Variants in EVC2 observed in about 807,000 individuals in gnomAD.
The protein encoded by EVC2 is limbin.
Under a neutral mutation model 149.3 loss-of-function variants are expected in EVC2, and 148 were observed. The observed-to-expected ratio is 0.99, with a 90% CI of 0.87 to 1.14. EVC2 has a LOEUF of 1.14. Among genes scored for constraint, EVC2 ranks in the 50% most tolerant of loss-of-function variants. The pLI is 0.00. For missense variants in EVC2, 1,854 were observed against 1,627.3 expected, an observed-to-expected ratio of 1.14 and a Z score of -2.40; for synonymous variants, 776 against 649.9, an observed-to-expected ratio of 1.19 and a Z score of -2.95.
chr4:5,618,563 C>G lies in EVC2; in HGVS notation c.2621G>C (p.Arg874Pro), dbSNP rs114764023. The G allele has an allele frequency of 1.2e-6, 2 of 1,614,024 alleles. No individual in the cohort carries two copies. Among genetic ancestry groups the G allele is most frequent in the Admixed American group, 1.7e-5 (1 of 60,006 alleles). The change falls in exon 15 of 22, where the codon CGA becomes CCA. Residue 874 changes from arginine to proline, a missense_variant. Physicochemically the swap from Arg to Pro is moderately radical, Grantham distance 103 (BLOSUM62 -2). Coordinates refer to ENST00000344408, the MANE Select transcript of EVC2 (RefSeq NM_147127.5). This position sits in a 1 kb window ranked among gnomAD's most constrained non-coding sequence, Gnocchi z 4.4. ...AGTCTGAAATTGCTGCAGCAGAACT[C>G]GGGCCCGGATCTTGGGGAGGGCCAA... is the stretch of plus-strand genomic sequence containing the variant. ...RSLALPKIRA[R>P]VLLQQFQTAW... is the part of the protein sequence containing the mutation.
intron 1 of EVC2, among the ~76,000 whole-genome samples, chr4:5,698,997 G>GT (rs1463061153): frequency 1.3e-5 from 2 of 152,212 alleles, no homozygotes; most frequent in Admixed American, 6.5e-5. Context: ...GCCACTGTCT[G>GT]TGTGTTTCAG....
intron 17 of EVC2, among the ~76,000 whole-genome samples, chr4:5,577,710 G>A (rs1263592781): frequency 6.6e-6 from 1 of 152,186 alleles, no homozygotes; most frequent in Non-Finnish European, 1.5e-5. Flanking sequence ...ATCGCACGGA[G>A]AACCTTCTAT....
At chr4:5,678,929 G>A (rs1322395016) in intron 7 of EVC2, among the ~76,000 whole-genome samples, 1 of 152,094 alleles carries the variant, frequency 6.6e-6, no homozygotes, top group African/African-American at 2.4e-5. Flanking sequence ...TACTTGGGAG[G>A]CTGAGGCAGG....
At chr4:5,647,292 A>AAGACCCCTGC (rs2108873243) in intron 9 of EVC2, among the ~76,000 whole-genome samples, 2 of 152,290 alleles carry the variant, frequency 1.3e-5, no homozygotes, top group African/African-American at 4.8e-5. Flanking sequence ...TGAACCTAGG[A>AAGACCCCTGC]AGACCCCTGC....
At chr4:5,672,807 T>G (rs1719734517) in intron 7 of EVC2, among the ~76,000 whole-genome samples, 1 of 152,218 alleles carries the variant, frequency 6.6e-6, no homozygotes, top group African/African-American at 2.4e-5. Flanking sequence ...GGACTATTAT[T>G]CAGCCACAAA....
intron 19 of EVC2, 150 bp from the exon 20 acceptor site, chr4:5,568,790 G>C (rs1722472279): frequency 1.9e-6 from 2 of 1,076,564 alleles, no homozygotes; most frequent in Non-Finnish European, 2.7e-6. Flanking sequence ...AACTTTCAGA[G>C]CTGTCAAAAA....
chr4:5,702,859 C>T (rs1721910814), intron 1 of EVC2, among the ~76,000 whole-genome samples: 1 of 152,148 alleles, frequency 6.6e-6, no homozygotes, highest in Admixed American at 6.6e-5. Flanking sequence ...GCCTCAGTTT[C>T]CTCATCTGTA....
At position 5,622,780 on chromosome 4, in the gene EVC2, C is replaced by T. The variant is rs370964676; in HGVS notation, c.2258G>A (p.Arg753His). ...CTGGGTCATGGCTGAGTTCTGCAGG[C>T]GCCGCAGCTCGTCGGTGGCCTTTTC... ...LFEKATDELR[R>H]LQNSAMTQEL... Residue 753 changes from arginine to histidine, a missense_variant, in exon 14 of 22, where the codon CGC (arginine) becomes CAC (histidine). By Grantham distance (29) the Arg-to-His change is conservative. Coordinates refer to ENST00000344408, the MANE Select transcript of EVC2 (RefSeq NM_147127.5). The surrounding 1 kb of genome is among the most constrained non-coding windows in gnomAD (Gnocchi z 5.8). 46 of 1,613,936 alleles carry T rather than the reference C, an allele frequency of 2.9e-5. No individual in the cohort carries two copies. Among genetic ancestry groups the T allele is most frequent in the Middle Eastern group, 3.3e-4 (2 of 6,084 alleles).
At chr4:5,568,725 T>G in intron 19 of EVC2, 85 bp from the exon 20 acceptor site, 12 of 1,372,026 alleles carry the variant, frequency 8.7e-6, no homozygotes, top group Non-Finnish European at 1.2e-5. Flanking sequence ...TCTGAGGACA[T>G]TCTGTCCTGG....
At chr4:5,635,467 G>A (rs1186216491) in intron 10 of EVC2, among the ~76,000 whole-genome samples, 3 of 135,098 alleles carry the variant, frequency 2.2e-5, no homozygotes, top group East Asian at 3.9e-4. Context: ...GTGTCCCCTG[G>A]AGGGAGTGTC....
chr4:5,599,419 T>G (rs555828203), intron 16 of EVC2, among the ~76,000 whole-genome samples: 6 of 152,254 alleles, frequency 3.9e-5, no homozygotes, highest in Admixed American at 3.9e-4. Flanking sequence ...ATGTCATTTG[T>G]AGGGACATGG....
chr4:5,586,885 C>T (rs912532286), intron 16 of EVC2, among the ~76,000 whole-genome samples: 2 of 152,058 alleles, frequency 1.3e-5, no homozygotes, highest in Non-Finnish European at 2.9e-5. Flanking sequence ...ATCAAGACCT[C>T]CTCAGGCTGT....
intron 21 of EVC2, among the ~76,000 whole-genome samples, chr4:5,549,908 T>C (rs1404793288): frequency 6.6e-6 from 1 of 152,150 alleles, no homozygotes; most frequent in African/African-American, 2.4e-5. Flanking sequence ...AGTGAATAAG[T>C]CTTATGAAAT....
chr4:5,667,264 A>G (rs1217069131), intron 7 of EVC2, among the ~76,000 whole-genome samples: 1 of 152,020 alleles, frequency 6.6e-6, no homozygotes, highest in Non-Finnish European at 1.5e-5. Context: ...ATTTGAATGT[A>G]ATTTCTTGAT....
At chr4:5,698,401 G>A (rs1721620610) in intron 1 of EVC2, among the ~76,000 whole-genome samples, 1 of 152,110 alleles carries the variant, frequency 6.6e-6, no homozygotes, top group South Asian at 2.1e-4. Flanking sequence ...TTCACTGTGT[G>A]TCCTTGGCTA....
At chr4:5,612,793 G>A (rs999797516) in intron 16 of EVC2, among the ~76,000 whole-genome samples, 3 of 151,724 alleles carry the variant, frequency 2.0e-5, no homozygotes, top group African/African-American at 4.8e-5. Flanking sequence ...GTAGTAGCGG[G>A]CGCCTGTAGT....
intron 9 of EVC2, among the ~76,000 whole-genome samples, chr4:5,650,915 G>A (rs191391805): frequency 3.4e-4 from 52 of 152,216 alleles, no homozygotes; most frequent in Non-Finnish European, 6.0e-4. Flanking sequence ...AACAGATGCT[G>A]GAAAATGTGA....
At position 5,587,282 on chromosome 4, in the gene EVC2, C is replaced by T. The variant is rs188017182; in HGVS notation, c.2830-2432G>A. Among the ~76,000 whole-genome samples the T allele has an allele frequency of 3.1e-3, 475 of 152,332 alleles. 3 individuals carry two copies. The highest frequency in any genetic ancestry group is 0.011 in the African/African-American group (448 of 41,564). ...CAATTATTCCCCAGTCCTCCCACCC[C>T]CAAGTCCTTGGCAACTACCAATCTT... is the stretch of plus-strand genomic sequence containing the variant. On this transcript the variant is annotated intron_variant, in intron 16 of 21. Transcript: ENST00000344408.
intron 21 of EVC2, among the ~76,000 whole-genome samples, chr4:5,554,870 A>G (rs1402951079): frequency 6.6e-6 from 1 of 152,246 alleles, no homozygotes; most frequent in African/African-American, 2.4e-5. Context: ...AGAAAAACAA[A>G]AAGTTACACA....
Sources: allele counts gnomAD v4.1 joint callset (sites outside exome capture counted in the v4.1 genomes callset), GRCh38; gene constraint gnomAD v4.1.1; non-coding constraint Gnocchi (gnomAD v3.1); transcripts MANE v1.5; gene names NCBI Gene and HGNC (gene_info 2026-07-23, HGNC 2026-07-21).